NHS: variants seen among roughly 807,000 people sequenced by gnomAD.
NHS encodes the protein NHS actin remodeling regulator, also known as actin remodeling regulator NHS.
Under a neutral mutation model 72.5 loss-of-function variants are expected in NHS, and 5 were observed. That is an observed-to-expected ratio of 0.07 (90% CI 0.04 to 0.14). The LOEUF (loss-of-function observed/expected upper bound fraction) is 0.14. Ranked by LOEUF, NHS falls within the 10% of genes least tolerant of loss-of-function variation. NHS has a pLI of 1.00. For missense variants in NHS, 1,072 were observed against 1,355.7 expected (o/e 0.79, Z 3.29); for synonymous variants, 464 against 547.7 (o/e 0.85, Z 2.13).
intron 1 of NHS, among the ~76,000 whole-genome samples, chrX:17,389,750 T>A (rs2064432442): frequency 9.1e-6 from 1 of 109,757 alleles, no homozygotes; most frequent in Non-Finnish European, 1.9e-5. Flanking sequence ...TATGGGTGCC[T>A]GCCACCACGC....
chrX:17,403,507 A>G (rs1027280238), intron 1 of NHS, among the ~76,000 whole-genome samples: 4 of 111,497 alleles, frequency 3.6e-5, no homozygotes, highest in African/African-American at 9.8e-5. Flanking sequence ...TATGGGGCAC[A>G]TTCCTGCTGG....
intron 3 of NHS, among the ~76,000 whole-genome samples, chrX:17,706,462 C>CT (rs1402738888): frequency 2.8e-5 from 3 of 106,914 alleles, no homozygotes; most frequent in African/African-American, 1.1e-4. Context: ...TACAACTTTT[C>CT]TTTAAGTCTA....
Position 17,484,794 on chromosome X carries a change from C to T in NHS, c.565+108472C>T, listed in dbSNP as rs771613293. Among the ~76,000 whole-genome samples, 156 of 110,074 alleles carry T rather than the reference C, an allele frequency of 1.4e-3. 1 individual carries two copies. Among genetic ancestry groups the T allele is most frequent in the African/African-American group, 4.9e-3 (149 of 30,135 alleles). The stretch of plus-strand genomic sequence containing the variant: ...GATGTGGACTCTGGATTGGTTGGTT[C>T]GCATATGAAAGGAGCTCTCCCAGGT... On this transcript the variant is annotated intron_variant, in intron 1 of 8. Coordinates refer to ENST00000676302, the MANE Select transcript of NHS (RefSeq NM_001291867.2).
At chrX:17,694,820 T>C (rs1235561500) in intron 3 of NHS, among the ~76,000 whole-genome samples, 13 of 112,027 alleles carry the variant, frequency 1.2e-4, no homozygotes, top group African/African-American at 3.2e-4. Flanking sequence ...ATCTATAATA[T>C]GGTGATAAGA....
intron 1 of NHS, among the ~76,000 whole-genome samples, chrX:17,415,511 G>T (rs2064589187): frequency 9.0e-6 from 1 of 111,374 alleles, no homozygotes; most frequent in African/African-American, 3.3e-5. Flanking sequence ...TTGCTCGGCA[G>T]GGGGGACTTC....
At chrX:17,696,503 G>A in intron 3 of NHS, among the ~76,000 whole-genome samples, 1 of 112,370 alleles carries the variant, frequency 8.9e-6, no homozygotes, top group Non-Finnish European at 1.9e-5. Flanking sequence ...GCTGTAACAG[G>A]TAGCCTGTTC....
intron 1 of NHS, among the ~76,000 whole-genome samples, chrX:17,387,876 A>G (rs895889615): frequency 3.5e-4 from 40 of 113,320 alleles, no homozygotes; most frequent in Non-Finnish European, 6.0e-4. Context: ...TGCTTTGCAC[A>G]TGGTTAGCCT....
rs191103395 is a variant in NHS, at chrX:17,416,000, C to T, written c.565+39678C>T. Among the ~76,000 whole-genome samples, 583 of 111,436 alleles carry T rather than the reference C, an allele frequency of 5.2e-3. 2 individuals carry two copies. The highest frequency in any genetic ancestry group is 8.1e-3 in the Non-Finnish European group (432 of 53,123). The stretch of plus-strand genomic sequence containing the variant: ...GTTGGCATGCTATGATTTGTATTTT[C>T]CAACCAACAGGCTGTGTGGACTTTT... On this transcript the variant is annotated intron_variant, in intron 1 of 8. Coordinates refer to ENST00000676302, the MANE Select transcript of NHS (RefSeq NM_001291867.2).
At chrX:17,397,425 T>C (rs1030206914) in intron 1 of NHS, among the ~76,000 whole-genome samples, 2 of 111,623 alleles carry the variant, frequency 1.8e-5, no homozygotes, top group African/African-American at 6.5e-5. Context: ...TAACTGCCCA[T>C]GAGGGAGGGT....
At chrX:17,630,547 C>A (rs773807716) in intron 1 of NHS, among the ~76,000 whole-genome samples, 1 of 110,319 alleles carries the variant, frequency 9.1e-6, no homozygotes, top group African/African-American at 3.3e-5. Context: ...CAAATGCAAG[C>A]CCCATCAACC....
At chrX:17,471,207 A>G (rs1331733934) in intron 1 of NHS, among the ~76,000 whole-genome samples, 2 of 112,123 alleles carry the variant, frequency 1.8e-5, no homozygotes, top group East Asian at 5.6e-4. Flanking sequence ...TGAGCCTTTT[A>G]TTCCATGCCT....
chrX:17,412,168 C>T (rs946685224), intron 1 of NHS, among the ~76,000 whole-genome samples: 4 of 108,671 alleles, frequency 3.7e-5, no homozygotes, highest in Non-Finnish European at 5.7e-5. Context: ...TAGTGTGGCT[C>T]CATTTCAATG....
chrX:17,564,673 T>C (rs538363501), intron 1 of NHS, among the ~76,000 whole-genome samples: 3 of 112,535 alleles, frequency 2.7e-5, no homozygotes, highest in African/African-American at 9.7e-5. Context: ...CAGAATGTGT[T>C]AGGTTAGAGC....
chrX:17,596,298 G>A (rs1421216787), intron 1 of NHS, among the ~76,000 whole-genome samples: 1 of 111,823 alleles, frequency 8.9e-6, no homozygotes, highest in African/African-American at 3.3e-5. Flanking sequence ...GATGGCTTGG[G>A]AGGACCTGTC....
intron 4 of NHS, among the ~76,000 whole-genome samples, chrX:17,719,619 C>G (rs933852677): frequency 9.1e-6 from 1 of 109,346 alleles, no homozygotes; most frequent in Admixed American, 9.7e-5. Context: ...CCATTCACTG[C>G]CCCCCACTCT....
intron 1 of NHS, among the ~76,000 whole-genome samples, chrX:17,574,088 G>A (rs1391930683): frequency 9.0e-6 from 1 of 111,245 alleles, no homozygotes; most frequent in East Asian, 2.8e-4. Flanking sequence ...TATATGAGGT[G>A]TCTGTTGGCC....
At chrX:17,382,678 T>C (rs2064383690) in intron 1 of NHS, among the ~76,000 whole-genome samples, 2 of 112,474 alleles carry the variant, frequency 1.8e-5, no homozygotes, top group African/African-American at 6.5e-5. Context: ...ATTTCCCCAT[T>C]GTACTGCAGT....
At chrX:17,655,637 C>T (rs2065950391) in intron 1 of NHS, among the ~76,000 whole-genome samples, 1 of 112,855 alleles carries the variant, frequency 8.9e-6, no homozygotes, top group African/African-American at 3.2e-5. Flanking sequence ...TGCCTTGCTG[C>T]CCCGGAGGTT....
chrX:17,549,134 T>TA (rs112708749), intron 1 of NHS, among the ~76,000 whole-genome samples: 7,300 of 78,391 alleles, frequency 0.093, 951 homozygotes, highest in African/African-American at 0.3. Context: ...GGCCCCTCAT[T>TA]AAAAAAAAAA....
Sources: allele counts gnomAD v4.1 joint callset (sites outside exome capture counted in the v4.1 genomes callset), GRCh38; gene constraint gnomAD v4.1.1; transcripts MANE v1.5; gene names NCBI Gene and HGNC (gene_info 2026-07-23, HGNC 2026-07-21).